The following CTBP2 variants were observed in gnomAD, a reference collection of about 807,000 sequenced individuals.
The protein encoded by CTBP2 is C-terminal-binding protein 2.
CTBP2 carries 30 observed loss-of-function variants against 80.3 expected under a neutral mutation model. That is an observed-to-expected ratio of 0.37 (90% CI 0.28 to 0.51). The LOEUF is 0.51. Ranked by LOEUF, CTBP2 falls within the 20% of genes least tolerant of loss-of-function variation. The pLI is 0.93. For missense variants in CTBP2, 1,212 were observed against 1,375.3 expected (o/e 0.88, Z 1.88); for synonymous variants, 594 against 587.4 (o/e 1.01, Z -0.16).
At chr10:125,069,320 C>T (rs934061441) in intron 2 of CTBP2, among the ~76,000 whole-genome samples, 2 of 152,178 alleles carry the variant, frequency 1.3e-5, no homozygotes, top group Non-Finnish European at 2.9e-5. Flanking sequence ...TTCAAACACA[C>T]AAAAATACTG....
At chr10:125,050,772 T>C (rs1360047817) in intron 2 of CTBP2, among the ~76,000 whole-genome samples, 1 of 152,196 alleles carries the variant, frequency 6.6e-6, no homozygotes, top group Non-Finnish European at 1.5e-5. Context: ...ACACTCATCA[T>C]AGCTCAGAAT....
intron 1 of CTBP2, among the ~76,000 whole-genome samples, chr10:125,138,666 TAAAA>T (rs77530093): frequency 8.0e-6 from 1 of 124,670 alleles, no homozygotes; most frequent in Non-Finnish European, 1.8e-5. Context: ...GCCAAATGGT[TAAAA>T]AAAAAAAAAA....
chr10:125,034,212 T>G lies in CTBP2; in HGVS notation c.58+4785A>C, dbSNP rs1399683490. On this transcript the variant is annotated intron_variant, in intron 3 of 10. Coordinates refer to the CTBP2 transcript ENST00000337195. The stretch of plus-strand genomic sequence containing the variant: ...AGCTGCAGAACGGGAGGGCAGTCTA[T>G]GAACCCCATCCCCAGAGTCGGTGGA... Among the ~76,000 whole-genome samples, 4 of 152,380 alleles carry G rather than the reference T, an allele frequency of 2.6e-5. No homozygotes were observed. The East Asian group carries it at 5.8e-4, about 22-fold the overall frequency.
intron 1 of CTBP2, among the ~76,000 whole-genome samples, chr10:125,114,238 C>G (rs1389790719): frequency 6.6e-6 from 1 of 152,192 alleles, no homozygotes; most frequent in Non-Finnish European, 1.5e-5. Context: ...GCATGCCCAC[C>G]CCCTCCAAGT....
intron 2 of CTBP2, among the ~76,000 whole-genome samples, chr10:125,054,703 A>G (rs563258837): frequency 6.6e-6 from 1 of 152,338 alleles, no homozygotes; most frequent in South Asian, 2.1e-4. Flanking sequence ...CTGACACAGT[A>G]CAGTTCAACA....
At chr10:125,006,988 G>C (rs371206290) in intron 1 of CTBP2, among the ~76,000 whole-genome samples, 1 of 152,252 alleles carries the variant, frequency 6.6e-6, no homozygotes, top group African/African-American at 2.4e-5. Flanking sequence ...CAGCCCGGGA[G>C]TCAGCGCTCA....
intron 1 of CTBP2, among the ~76,000 whole-genome samples, chr10:125,153,410 C>T (rs961213021): frequency 1.3e-5 from 2 of 152,196 alleles, no homozygotes; most frequent in Non-Finnish European, 2.9e-5. Flanking sequence ...GCGGATAAGC[C>T]GACTGTGTTT....
chr10:124,998,481 C>T (rs1041963757), intron 3 of CTBP2: 14 of 414,558 alleles, frequency 3.4e-5, no homozygotes, highest in Non-Finnish European at 8.9e-6. Flanking sequence ...GCACTGAGTC[C>T]CAAGAAAGGA....
chr10:125,064,750 C>T (rs1178788150), intron 2 of CTBP2, among the ~76,000 whole-genome samples: 1 of 152,242 alleles, frequency 6.6e-6, no homozygotes, highest in East Asian at 1.9e-4. Context: ...CCCAGTCAGC[C>T]TTGACCCTGC....
chr10:125,029,589 T>C (rs1472037246), upstream of CTBP2, among the ~76,000 whole-genome samples: 1 of 152,158 alleles, frequency 6.6e-6, no homozygotes, highest in Non-Finnish European at 1.5e-5. Context: ...ACCTTGCCAA[T>C]TTCTTTCCTC....
chr10:125,053,834 G>A (rs949554228), intron 2 of CTBP2, among the ~76,000 whole-genome samples: 3 of 152,178 alleles, frequency 2.0e-5, no homozygotes, highest in Admixed American at 6.5e-5. Context: ...GCAGGGCACT[G>A]GCCACAGACT....
At chr10:125,008,416 A>G (rs80265496) in intron 1 of CTBP2, among the ~76,000 whole-genome samples, 2,383 of 152,350 alleles carry the variant, frequency 0.016, 57 homozygotes, top group African/African-American at 0.055. Flanking sequence ...AAGTCCCTGC[A>G]GGTTGCAGTC....
At chr10:125,031,767 C>T (rs1958246703), upstream of CTBP2, among the ~76,000 whole-genome samples, 1 of 152,212 alleles carries the variant, frequency 6.6e-6, no homozygotes. Flanking sequence ...CTTGCTTGCA[C>T]ACTGAGTGCT....
rs59512017 is a variant in CTBP2, at chr10:125,040,599, T to TACACACACACACACACACACACAC, written c.-101-1468_-101-1445dup. 1.6e-3 allele frequency among the ~76,000 whole-genome samples: 229 copies of TACACACACACACACACACACACAC among 146,074 alleles called. 2 individuals are homozygous for TACACACACACACACACACACACAC. The highest frequency in any genetic ancestry group is 5.3e-3 in the African/African-American group (205 of 39,022). On this transcript the variant is annotated intron_variant, in intron 2 of 10. Transcript: ENST00000337195. ...TTTTAAGACCACCACCACAACCACA[T>TACACACACACACACACACACACAC]ACACACACACACACACACACACACA...
chr10:125,101,371 G>A (rs1850590922), intron 2 of CTBP2, among the ~76,000 whole-genome samples: 1 of 152,262 alleles, frequency 6.6e-6, no homozygotes, highest in Non-Finnish European at 1.5e-5. Flanking sequence ...AAGGAGTAGA[G>A]ACATGTTCCC....
At chr10:125,160,039 A>T (rs1469270817) in intron 1 of CTBP2, 1 of 149,220 alleles carries the variant, frequency 6.7e-6, no homozygotes, top group Non-Finnish European at 1.5e-5. Flanking sequence ...CAACAACAAA[A>T]ATCCTGGCGC....
At chr10:125,128,060 C>A (rs1855552368) in intron 1 of CTBP2, among the ~76,000 whole-genome samples, 2 of 152,290 alleles carry the variant, frequency 1.3e-5, no homozygotes, top group South Asian at 4.2e-4. Context: ...GAGCTGGCTG[C>A]AGCTTCCTGA....
chr10:125,154,199 A>T (rs564796635), intron 1 of CTBP2, among the ~76,000 whole-genome samples: 2 of 152,284 alleles, frequency 1.3e-5, no homozygotes, highest in South Asian at 4.1e-4. Flanking sequence ...TTTGTATTTT[A>T]TAAATGAGAA....
chr10:125,154,899 T>C (rs1303253337), intron 1 of CTBP2, among the ~76,000 whole-genome samples: 2 of 152,206 alleles, frequency 1.3e-5, no homozygotes, highest in Admixed American at 1.3e-4. Context: ...AAACTTATTT[T>C]AGCTGCATTC....
Sources: gnomAD v4.1 joint callset for allele counts (sites outside exome capture counted in the v4.1 genomes callset) on GRCh38, gnomAD v4.1.1 for gene constraint, MANE v1.5 for transcripts, NCBI Gene and HGNC (gene_info 2026-07-23, HGNC 2026-07-21) for gene names.